Variants in CDYL2 observed in about 807,000 individuals in gnomAD.
CDYL2 encodes the protein chromodomain Y-like protein 2.
In CDYL2, 23 loss-of-function variants were observed where a neutral mutation model predicts 49.4. The observed-to-expected ratio is 0.47, with a 90% CI of 0.34 to 0.66. CDYL2 has a LOEUF of 0.66. Among genes scored for constraint, CDYL2 ranks in the 30% least tolerant of loss-of-function variants. The pLI is 0.01. For synonymous variants in CDYL2, 360 were observed against 268.8 expected (o/e 1.34, Z -3.32); for missense variants, 678 against 656.4 (o/e 1.03, Z -0.36).
chr16:80,803,023 G>A (rs1597140597), intron 1 of CDYL2, among the ~76,000 whole-genome samples: 3 of 152,298 alleles, frequency 2.0e-5, no homozygotes, highest in African/African-American at 7.2e-5. Flanking sequence ...TTTCACGGAG[G>A]CCCAGAAGGC....
intron 1 of CDYL2, among the ~76,000 whole-genome samples, chr16:80,719,775 G>C (rs1393153664): frequency 1.3e-5 from 2 of 152,200 alleles, no homozygotes; most frequent in Non-Finnish European, 2.9e-5. Context: ...TAGTCATGAA[G>C]ACAGGAAGTG....
At chr16:80,704,724 T>A (rs751683185) in intron 1 of CDYL2, among the ~76,000 whole-genome samples, 3 of 152,126 alleles carry the variant, frequency 2.0e-5, no homozygotes, top group Non-Finnish European at 4.4e-5. Flanking sequence ...GGGAAGAGAA[T>A]GTGCAAATGC....
chr16:80,699,375 G>C (rs1256348925), intron 1 of CDYL2, among the ~76,000 whole-genome samples: 1 of 152,206 alleles, frequency 6.6e-6, no homozygotes, highest in Non-Finnish European at 1.5e-5. Context: ...ACATGCACGA[G>C]CCTGCTGGAC....
At chr16:80,707,964 G>C (rs1010144218) in intron 1 of CDYL2, among the ~76,000 whole-genome samples, 1 of 152,042 alleles carries the variant, frequency 6.6e-6, no homozygotes, top group Admixed American at 6.6e-5. Context: ...ATCACCTTAA[G>C]TTTATCCAGA....
intron 1 of CDYL2, among the ~76,000 whole-genome samples, chr16:80,691,973 A>G (rs371000215): frequency 6.6e-6 from 1 of 152,308 alleles, no homozygotes; most frequent in East Asian, 1.9e-4. Context: ...CATAGACAAC[A>G]TACTCGAAAA....
intron 1 of CDYL2, among the ~76,000 whole-genome samples, chr16:80,739,190 TA>T (rs1472115316): frequency 2.0e-5 from 3 of 152,178 alleles, no homozygotes; most frequent in Non-Finnish European, 4.4e-5. Flanking sequence ...CTGAGGTCCC[TA>T]GAGTATTTTA....
In CDYL2 at chr16:80,702,183, A is replaced by AACACACAC. The variant is rs35071485; in HGVS notation, c.25-17062_25-17055dup. Among the ~76,000 whole-genome samples the AACACACAC allele has an allele frequency of 5.3e-3, 761 of 142,858 alleles. 8 individuals carry two copies. The highest frequency in any genetic ancestry group is 0.014 in the African/African-American group (520 of 38,244). The allele number at this position is 142,858 out of a possible 152,430, so 93.7% of individuals were successfully genotyped here. A position where few individuals can be genotyped will look rare whatever the true frequency, so the allele number is the denominator to read the frequency against. On this transcript the variant is annotated intron_variant, in intron 1 of 6. Coordinates refer to ENST00000570137, the MANE Select transcript of CDYL2 (RefSeq NM_152342.4). ...AGGTTCCAAGAGTCAGAAGGCCTAA[A>AACACACAC]ACACACACACACACACACACACACA...
At chr16:80,768,535 G>C (rs919378909) in intron 1 of CDYL2, among the ~76,000 whole-genome samples, 1 of 152,332 alleles carries the variant, frequency 6.6e-6, no homozygotes, top group Admixed American at 6.5e-5. Context: ...CTCCCAAACA[G>C]TGCTTCTAGC....
intron 2 of CDYL2, among the ~76,000 whole-genome samples, chr16:80,653,419 C>A (rs935414725): frequency 6.6e-6 from 1 of 152,054 alleles, no homozygotes; most frequent in Non-Finnish European, 1.5e-5. Flanking sequence ...AAGCCGAGAT[C>A]GCACCATTGC....
intron 2 of CDYL2, among the ~76,000 whole-genome samples, chr16:80,642,872 T>G (rs1908163205): frequency 6.6e-6 from 1 of 152,134 alleles, no homozygotes; most frequent in African/African-American, 2.4e-5. Context: ...AAGATGAGAT[T>G]TGAGTGGGGA....
chr16:80,725,627 T>C (rs1397429380), intron 1 of CDYL2, among the ~76,000 whole-genome samples: 1 of 152,226 alleles, frequency 6.6e-6, no homozygotes, highest in African/African-American at 2.4e-5. Flanking sequence ...TGCTGTGGCC[T>C]AAGCTACATG....
rs750153584 is a variant in CDYL2, at chr16:80,620,822, T to C, written c.948A>G (p.Leu316=). The C allele has an allele frequency of 6.2e-7, 1 of 1,612,042 alleles. No individual in the cohort carries two copies. The highest frequency in any genetic ancestry group is 8.5e-7 in the Non-Finnish European group (1 of 1,178,654). The change falls in exon 4 of 7, where the codon CTA becomes CTG. Residue 316 remains leucine, a synonymous_variant. Transcript: ENST00000570137. ...GCCGGTCGCTGGACAACCGGCCAAT[T>C]AGGTAGGAATAATCCAGGCCGCTGC... ...VFCSGLDYSY[L]IGRLSSDRRK... is the part of the protein sequence containing the mutation.
intron 2 of CDYL2, among the ~76,000 whole-genome samples, chr16:80,640,339 A>G (rs1255753791): frequency 1.3e-5 from 2 of 152,118 alleles, no homozygotes; most frequent in Non-Finnish European, 2.9e-5. Flanking sequence ...CCAGAAGGGA[A>G]CCTGCTGCCT....
chr16:80,769,886 T>C (rs185600864), intron 1 of CDYL2, among the ~76,000 whole-genome samples: 188 of 152,316 alleles, frequency 1.2e-3, no homozygotes, highest in Non-Finnish European at 2.3e-3. Flanking sequence ...CTTAATGATA[T>C]TGAGAATACC....
At chr16:80,726,911 T>A (rs1017956492) in intron 1 of CDYL2, among the ~76,000 whole-genome samples, 2 of 152,102 alleles carry the variant, frequency 1.3e-5, no homozygotes, top group African/African-American at 4.8e-5. Flanking sequence ...CATAATGAGA[T>A]GCTGCCTCTA....
At chr16:80,741,489 G>C (rs954159117) in intron 1 of CDYL2, among the ~76,000 whole-genome samples, 2 of 151,892 alleles carry the variant, frequency 1.3e-5, no homozygotes, top group African/African-American at 2.4e-5. Flanking sequence ...AAACATTATG[G>C]GGAAAATATT....
chr16:80,708,759 T>C (rs1409694153), intron 1 of CDYL2, among the ~76,000 whole-genome samples: 1 of 152,204 alleles, frequency 6.6e-6, no homozygotes, highest in Non-Finnish European at 1.5e-5. Context: ...TTGTTTTTTT[T>C]TGTACTTATA....
intron 1 of CDYL2, among the ~76,000 whole-genome samples, chr16:80,776,116 G>A (rs1366311287): frequency 2.0e-5 from 3 of 151,946 alleles, no homozygotes; most frequent in Admixed American, 6.6e-5. Flanking sequence ...TAATTCTTCA[G>A]TAAAAGAGCA....
intron 1 of CDYL2, among the ~76,000 whole-genome samples, chr16:80,780,966 T>C (rs370371245): frequency 6.6e-6 from 1 of 152,216 alleles, no homozygotes; most frequent in South Asian, 2.1e-4. Context: ...CAGCAAGCTT[T>C]GTGATGTCTT....
Sources: allele counts gnomAD v4.1 joint callset (sites outside exome capture counted in the v4.1 genomes callset), GRCh38; gene constraint gnomAD v4.1.1; transcripts MANE v1.5; gene names NCBI Gene and HGNC (gene_info 2026-07-23, HGNC 2026-07-21).